The following DNAJC13 variants were observed in gnomAD, a reference collection of about 807,000 sequenced individuals.
DNAJC13 encodes DnaJ heat shock protein family (Hsp40) member C13.
Under a neutral mutation model 290.5 loss-of-function variants are expected in DNAJC13, and 75 were observed. The ratio of observed to expected loss-of-function variants is 0.26; its 90% CI spans 0.21 to 0.31. DNAJC13 has a LOEUF of 0.31. Ranked by LOEUF, DNAJC13 falls within the 10% of genes least tolerant of loss-of-function variation. The pLI is 1.00. For synonymous variants in DNAJC13, 862 were observed against 892.0 expected, an observed-to-expected ratio of 0.97 and a Z score of 0.60; for missense variants, 2,260 against 2,674.5, an observed-to-expected ratio of 0.85 and a Z score of 3.42.
rs1163012924 is a variant in DNAJC13 at position 132,453,346 on chromosome 3, G to C, written c.586G>C (p.Asp196His). 2.5e-6 allele frequency: 4 copies of C among 1,613,832 alleles called. No individual in the cohort carries two copies. The South Asian group carries it at 4.4e-5, about 18-fold the overall frequency. ...AGAAGAGATTATTAAAAGTGCAATA[G>C]ACCATGCTGGTAACTACATAGGTAT... ...QREEIIKSAIDHAGNYIGISL... is the reference protein window; with the variant it reads ...QREEIIKSAIHHAGNYIGISL... The change falls in exon 7 of 56, where the codon GAC becomes CAC. Residue 196 changes from aspartate to histidine, a missense_variant. Around this residue, in one of 3 missense-constraint regions of DNAJC13, gnomAD observed 762 missense variants for 964.1 expected, o/e 0.79. Transcript: ENST00000260818.
At chr3:132,464,208 T>C (rs75085773) in intron 17 of DNAJC13, among the ~76,000 whole-genome samples, 117 of 152,312 alleles carry the variant, frequency 7.7e-4, no homozygotes, top group African/African-American at 2.7e-3. Flanking sequence ...TTAAATATCT[T>C]TGGTCAAATA....
intron 2 of DNAJC13, among the ~76,000 whole-genome samples, chr3:132,440,335 A>T (rs1375029591): frequency 6.6e-6 from 1 of 152,240 alleles, no homozygotes; most frequent in Non-Finnish European, 1.5e-5. Context: ...GAGTTTTGGG[A>T]TTCCCCACTC....
At chr3:132,523,942 G>C (rs1264115850) in intron 51 of DNAJC13, 23 of 419,562 alleles carry the variant, frequency 5.5e-5, no homozygotes, top group Non-Finnish European at 7.1e-5. Flanking sequence ...TCTATATTGA[G>C]AGGATGCTAT....
Position 132,483,425 on chromosome 3 carries a change from G to T in DNAJC13, c.3030G>T (p.Trp1010Cys), listed in dbSNP as rs1342571339. 1 of 1,613,958 alleles carries T rather than the reference G, an allele frequency of 6.2e-7. No homozygotes were observed. Among genetic ancestry groups the T allele is most frequent in the African/African-American group, 1.3e-5 (1 of 74,896 alleles). Residue 1010 changes from tryptophan to cysteine, a missense_variant, in exon 28 of 56, where the codon TGG becomes TGT. By Grantham distance (215) the Trp-to-Cys change is radical. Coordinates refer to ENST00000260818, the MANE Select transcript of DNAJC13 (RefSeq NM_015268.4). ...KGMLNAKTRC[W>C]AQGMDGWRPL... ...TGTTAAATGCAAAAACCAGATGCTGGGCTCAAGGCATGGATGGATGGCGAC... is the reference window on the plus strand; with the variant it reads ...TGTTAAATGCAAAAACCAGATGCTGTGCTCAAGGCATGGATGGATGGCGAC...
chr3:132,511,688 A>G (rs541315959), intron 44 of DNAJC13, among the ~76,000 whole-genome samples: 12 of 152,276 alleles, frequency 7.9e-5, no homozygotes, highest in African/African-American at 2.9e-4. Context: ...AAAAATTGAA[A>G]TAAAGATATG....
chr3:132,532,090 C>G (rs1299426007), intron 55 of DNAJC13, among the ~76,000 whole-genome samples: 4 of 152,066 alleles, frequency 2.6e-5, no homozygotes, highest in Non-Finnish European at 5.9e-5. Context: ...TGAAATTAAC[C>G]TTAGGAATAT....
At chr3:132,427,119 G>GTGTA (rs1553741424) in intron 1 of DNAJC13, among the ~76,000 whole-genome samples, 86 of 120,892 alleles carry the variant, frequency 7.1e-4, no homozygotes, top group East Asian at 2.5e-3. Flanking sequence ...GTGTGTGTGT[G>GTGTA]TATATATATA....
rs1019595040 is a variant in DNAJC13 at position 132,516,141 on chromosome 3, C to T, written c.5486-281C>T. ...TGCAGTGCACAATGAGGTAGGAAGACAGGGTTTTATAGTGGTTATGAATAT... is the reference window on the plus strand; with the variant it reads ...TGCAGTGCACAATGAGGTAGGAAGATAGGGTTTTATAGTGGTTATGAATAT... On this transcript the variant is annotated intron_variant, in intron 46 of 55. Coordinates refer to ENST00000260818, the MANE Select transcript of DNAJC13 (RefSeq NM_015268.4). Among the ~76,000 whole-genome samples the T allele has an allele frequency of 4.6e-5, 7 of 152,092 alleles. No individual in the cohort carries two copies. In the South Asian group the frequency reaches 1.2e-3, roughly 27 times the overall value.
Position 132,522,932 on chromosome 3 carries a change from T to G in DNAJC13, c.5778T>G (p.Pro1926=). The stretch of plus-strand genomic sequence containing the variant: ...TTTTTGAAGGAACTCATGAAAATCC[T>G]GAGTTAATTTGGAATGATAATTCCA... ...VHIFEGTHEN[P]ELIWNDNSRD... The change falls in exon 49 of 56, where the codon CCT becomes CCG. Residue 1926 remains proline, a synonymous_variant. Coordinates refer to ENST00000260818, the MANE Select transcript of DNAJC13 (RefSeq NM_015268.4). 6.2e-7 allele frequency: 1 copy of G among 1,613,736 alleles called. No individual in the cohort carries two copies. Among genetic ancestry groups the G allele is most frequent in the South Asian group, 1.1e-5 (1 of 91,010 alleles).
intron 53 of DNAJC13, among the ~76,000 whole-genome samples, chr3:132,526,916 T>C (rs1195933773): frequency 3.9e-5 from 6 of 152,200 alleles, no homozygotes; most frequent in Non-Finnish European, 5.9e-5. Context: ...ATCAAACTTA[T>C]GAAGCAGAGA....
In DNAJC13 at chr3:132,491,185, A is replaced by G. The variant is rs1935048677; in HGVS notation, c.3623+134A>G. 1.0e-5 allele frequency: 8 copies of G among 785,384 alleles called. No homozygotes were observed. In the South Asian group the frequency reaches 1.9e-4, roughly 18 times the overall value. The allele number at this position is 785,384 out of a possible 1,614,324, so 48.7% of individuals were successfully genotyped here. On this transcript the variant is annotated intron_variant, in intron 32 of 55. Transcript: ENST00000260818. ...AAAATGACAGTAATCATTGATGCCA[A>G]ATCAAATGATGGATTTTGATAAGGC...
At chr3:132,500,302 G>A (rs1004779776) in intron 38 of DNAJC13, among the ~76,000 whole-genome samples, 3 of 152,188 alleles carry the variant, frequency 2.0e-5, no homozygotes, top group Admixed American at 1.3e-4. Context: ...AATATAAAAC[G>A]AGTACTGGCT....
chr3:132,508,700 TACCCCAA>T (rs1935673466), intron 43 of DNAJC13, among the ~76,000 whole-genome samples: 1 of 152,200 alleles, frequency 6.6e-6, no homozygotes, highest in Admixed American at 6.5e-5. Flanking sequence ...GTGACAGTCA[TACCCCAA>T]ACTTCAGTAT....
chr3:132,464,060 T>C (rs1933897249), intron 17 of DNAJC13, among the ~76,000 whole-genome samples: 1 of 152,146 alleles, frequency 6.6e-6, no homozygotes, highest in African/African-American at 2.4e-5. Context: ...CCTGACACCA[T>C]AGTCATGGGA....
chr3:132,448,935 C>T (rs1197067138), intron 5 of DNAJC13, among the ~76,000 whole-genome samples: 5 of 152,138 alleles, frequency 3.3e-5, no homozygotes, highest in South Asian at 4.1e-4. Context: ...TGTCAGGTGA[C>T]GTACCTCATC....
intron 55 of DNAJC13, among the ~76,000 whole-genome samples, chr3:132,537,558 T>C (rs1576531313): frequency 6.6e-6 from 1 of 152,362 alleles, no homozygotes; most frequent in South Asian, 2.1e-4. Flanking sequence ...TTTCATGCAA[T>C]AGAAACTGTT....
At chr3:132,538,008 A>G (rs1158025226) in intron 55 of DNAJC13, among the ~76,000 whole-genome samples, 168 bp from the exon 56 acceptor site, 7 of 152,358 alleles carry the variant, frequency 4.6e-5, no homozygotes, top group Middle Eastern at 3.4e-3. Context: ...AAACATGAAA[A>G]TAGTACTATG....
intron 22 of DNAJC13, among the ~76,000 whole-genome samples, chr3:132,475,581 TATAAAC>T (rs1934444415): frequency 6.6e-6 from 1 of 152,172 alleles, no homozygotes; most frequent in Non-Finnish European, 1.5e-5. Flanking sequence ...TGAAGTATAT[TATAAAC>T]ATATACAATT....
Position 132,475,005 on chromosome 3 carries a change from G to C in DNAJC13, c.2365G>C (p.Glu789Gln), listed in dbSNP as rs753457974. The C allele has an allele frequency of 2.1e-5, 34 of 1,611,864 alleles. No individual in the cohort carries two copies. Among genetic ancestry groups the C allele is most frequent in the Non-Finnish European group, 2.8e-5 (33 of 1,179,010 alleles). Residue 789 changes from glutamate to glutamine, a missense_variant, in exon 22 of 56, where the codon GAA (glutamate) becomes CAA (glutamine). Coordinates refer to ENST00000260818, the MANE Select transcript of DNAJC13 (RefSeq NM_015268.4). ...ACGAGAAGAACTGAAAGATACTCTT[G>C]AATCTGAAATGAGAGCATTTAATAT... ...KTREELKDTL[E>Q]SEMRAFNIDR...
Sources: allele counts gnomAD v4.1 joint callset (sites outside exome capture counted in the v4.1 genomes callset), GRCh38; gene constraint gnomAD v4.1.1; regional missense constraint gnomAD v4.1.1; transcripts MANE v1.5; gene names NCBI Gene and HGNC (gene_info 2026-07-23, HGNC 2026-07-21).